PIBF1: variants seen among roughly 807,000 people sequenced by gnomAD.
PIBF1 encodes the protein progesterone-induced-blocking factor 1.
In PIBF1, 90 loss-of-function variants were observed where a neutral mutation model predicts 112.5. The ratio of observed to expected loss-of-function variants is 0.80; its 90% CI spans 0.67 to 0.95. The LOEUF is 0.95. Ranked by LOEUF, PIBF1 falls within the 40% of genes least tolerant of loss-of-function variation. The pLI is 0.00. For synonymous variants in PIBF1, 301 were observed against 288.6 expected, an observed-to-expected ratio of 1.04 and a Z score of -0.44; for missense variants, 915 against 852.3, an observed-to-expected ratio of 1.07 and a Z score of -0.92.
chr13:72,923,762 C>T (rs2041380416), intron 13 of PIBF1, among the ~76,000 whole-genome samples: 2 of 151,984 alleles, frequency 1.3e-5, no homozygotes, highest in South Asian at 2.1e-4. Flanking sequence ...GTCAGGAGTT[C>T]GAGACTAGCC....
intron 8 of PIBF1, among the ~76,000 whole-genome samples, chr13:72,834,395 C>A (rs1170078850): frequency 6.6e-6 from 1 of 152,092 alleles, no homozygotes; most frequent in Non-Finnish European, 1.5e-5. Flanking sequence ...GAGGCCAAGG[C>A]AGGAGGATTG....
chr13:72,795,269 T>C (rs1474812050), intron 3 of PIBF1, 90 bp from the exon 4 acceptor site: 1 of 790,194 alleles, frequency 1.3e-6, no homozygotes, highest in Non-Finnish European at 2.1e-6. Flanking sequence ...TCTGATTTCC[T>C]AACTTTATGT....
In PIBF1 at chr13:72,791,211, C is replaced by T. The variant is rs1399714977; in HGVS notation, c.253-1236C>T. Among the ~76,000 whole-genome samples, 8 of 152,014 alleles carry T rather than the reference C, an allele frequency of 5.3e-5. No individual in the cohort carries two copies. The South Asian group carries it at 8.3e-4, about 16-fold the overall frequency. Reference sequence around the variant, plus strand: ...CTGGGACTACAGGCACATGCCACCACACCCGGCTAATTTTTTGTATTTTTA... The same window carrying T: ...CTGGGACTACAGGCACATGCCACCATACCCGGCTAATTTTTTGTATTTTTA... On this transcript the variant is annotated intron_variant, in intron 2 of 17. Transcript: ENST00000326291.
At chr13:73,012,129 A>C (rs2044221783) in intron 17 of PIBF1, among the ~76,000 whole-genome samples, 1 of 152,186 alleles carries the variant, frequency 6.6e-6, no homozygotes, top group African/African-American at 2.4e-5. Context: ...AGGCGAGCAG[A>C]TCACCTGAGA....
chr13:73,010,819 T>C (rs1166667017), intron 17 of PIBF1, among the ~76,000 whole-genome samples: 1 of 107,608 alleles, frequency 9.3e-6, no homozygotes, highest in African/African-American at 3.9e-5. Flanking sequence ...TCTTTTTTTT[T>C]TTTTTTTTTT....
At chr13:73,011,172 G>C (rs1230346227) in intron 17 of PIBF1, among the ~76,000 whole-genome samples, 1 of 152,078 alleles carries the variant, frequency 6.6e-6, no homozygotes, top group Non-Finnish European at 1.5e-5. Flanking sequence ...AAAGCAAACT[G>C]CTGCCCCCAA....
chr13:72,916,650 G>A (rs962701219), intron 12 of PIBF1, among the ~76,000 whole-genome samples: 3 of 151,664 alleles, frequency 2.0e-5, no homozygotes, highest in African/African-American at 7.3e-5. Flanking sequence ...TTTTATTGTT[G>A]CAAATTAAAA....
At chr13:72,831,203 CA>C (rs577899922) in intron 8 of PIBF1, among the ~76,000 whole-genome samples, 14 of 148,778 alleles carry the variant, frequency 9.4e-5, no homozygotes, top group African/African-American at 2.7e-4. Context: ...TTGATCTTTA[CA>C]AAAAAAAACA....
chr13:72,835,977 T>G (rs2037341260), intron 9 of PIBF1: 1 of 321,714 alleles, frequency 3.1e-6, no homozygotes, highest in Admixed American at 3.9e-5. Flanking sequence ...CGGGCGCCTG[T>G]AATCCCAGCT....
chr13:73,011,612 A>G (rs568312237), intron 17 of PIBF1, among the ~76,000 whole-genome samples: 2 of 152,004 alleles, frequency 1.3e-5, no homozygotes, highest in South Asian at 2.1e-4. Flanking sequence ...CTAAGAAGGG[A>G]AAAAAAACTG....
At chr13:72,981,403 T>C (rs1318371896) in intron 16 of PIBF1, among the ~76,000 whole-genome samples, 2 of 151,814 alleles carry the variant, frequency 1.3e-5, no homozygotes, top group Non-Finnish European at 2.9e-5. Context: ...AGATAATCAA[T>C]TGAGCAAAAG....
chr13:72,786,710 T>C (rs1442546745), intron 2 of PIBF1, among the ~76,000 whole-genome samples: 6 of 152,210 alleles, frequency 3.9e-5, no homozygotes, highest in Admixed American at 2.6e-4. Flanking sequence ...GTCTCCTTCA[T>C]TTAACTAAGT....
chr13:72,790,521 A>AGAT (rs1261579511), intron 2 of PIBF1, among the ~76,000 whole-genome samples: 21 of 90,874 alleles, frequency 2.3e-4, no homozygotes, highest in African/African-American at 6.3e-4. Flanking sequence ...ATAGATAGAT[A>AGAT]GATAGATAGA....
At chr13:72,957,978 A>C (rs1362516312) in intron 14 of PIBF1, among the ~76,000 whole-genome samples, 1 of 151,792 alleles carries the variant, frequency 6.6e-6, no homozygotes, top group East Asian at 1.9e-4. Flanking sequence ...AAGAAAGAAA[A>C]AAACAATTAG....
At chr13:73,010,464 G>A (rs2044162150) in intron 17 of PIBF1, among the ~76,000 whole-genome samples, 1 of 151,956 alleles carries the variant, frequency 6.6e-6, no homozygotes, top group Non-Finnish European at 1.5e-5. Context: ...TTAGCCAGGG[G>A]TGGTGGTGCA....
At chr13:72,937,298 T>C (rs992813998) in intron 14 of PIBF1, among the ~76,000 whole-genome samples, 1 of 152,238 alleles carries the variant, frequency 6.6e-6, no homozygotes, top group Non-Finnish European at 1.5e-5. Context: ...TTATTGTTGC[T>C]TATTGGCTAT....
intron 14 of PIBF1, among the ~76,000 whole-genome samples, chr13:72,943,977 G>T (rs1274566308): frequency 2.6e-5 from 4 of 152,064 alleles, no homozygotes; most frequent in Non-Finnish European, 5.9e-5. Flanking sequence ...ACACTAACTG[G>T]CATATGTTAA....
chr13:72,822,043 T>G, intron 6 of PIBF1, 61 bp downstream of exon 6: 2 of 1,442,342 alleles, frequency 1.4e-6, no homozygotes, highest in Non-Finnish European at 1.9e-6. Flanking sequence ...CAAAGTCACC[T>G]GAGTTTTTAC....
intron 6 of PIBF1, among the ~76,000 whole-genome samples, chr13:72,824,902 AGAGAATCATTTCT>A (rs545953370): frequency 6.6e-6 from 1 of 152,216 alleles, no homozygotes; most frequent in Non-Finnish European, 1.5e-5. Context: ...TTTCTGTATC[AGAGAATCATTTCT>A]GAGAATCATT....
Sources: gnomAD v4.1 joint callset for allele counts (sites outside exome capture counted in the v4.1 genomes callset) on GRCh38, gnomAD v4.1.1 for gene constraint, MANE v1.5 for transcripts, NCBI Gene and HGNC (gene_info 2026-07-23, HGNC 2026-07-21) for gene names.